Variants in ANO10 observed in about 807,000 individuals in gnomAD.
ANO10 encodes anoctamin-10.
A neutral mutation model predicts 74.7 loss-of-function variants in ANO10; 77 were observed. The observed-to-expected ratio is 1.03, with a 90% CI of 0.86 to 1.25. ANO10 has a LOEUF of 1.25. ANO10 is among the 50% of genes most tolerant of loss of function. The pLI is 0.00. For missense variants in ANO10, 721 were observed against 778.1 expected (o/e 0.93, Z 0.87); for synonymous variants, 279 against 284.9 (o/e 0.98, Z 0.21).
chr3:43,484,125 G>T (rs571814779), intron 11 of ANO10, among the ~76,000 whole-genome samples: 194 of 152,174 alleles, frequency 1.3e-3, no homozygotes, highest in African/African-American at 4.5e-3. Context: ...TAGAGATGGG[G>T]TTTCACCATG....
At chr3:43,512,832 C>T (rs1203725817) in intron 11 of ANO10, among the ~76,000 whole-genome samples, 1 of 152,140 alleles carries the variant, frequency 6.6e-6, no homozygotes, top group Admixed American at 6.5e-5. Flanking sequence ...TTTCAAGACA[C>T]TGGACATCAG....
chr3:43,618,157 A>G (rs972828084), intron 1 of ANO10: 2 of 152,326 alleles, frequency 1.3e-5, no homozygotes, highest in African/African-American at 2.4e-5. Context: ...CATCCTTACT[A>G]TAACAGTTTC....
At chr3:43,471,473 C>T (rs992836147) in intron 11 of ANO10, among the ~76,000 whole-genome samples, 1 of 152,090 alleles carries the variant, frequency 6.6e-6, no homozygotes, top group African/African-American at 2.4e-5. Context: ...GGGTGAACAT[C>T]AAGGGTGTTA....
chr3:43,676,755 G>C (rs78377570), intron 1 of ANO10, among the ~76,000 whole-genome samples: 3,252 of 152,142 alleles, frequency 0.021, 123 homozygotes, highest in African/African-American at 0.074. Context: ...TCTTACAACT[G>C]CATGTGAATC....
At chr3:43,690,981 G>A in intron 1 of ANO10, 1 of 1,570,624 alleles carries the variant, frequency 6.4e-7, no homozygotes, top group East Asian at 2.5e-5. Context: ...CGGCGCTTGC[G>A]CGGCGGCGGC....
chr3:43,429,554 T>A (rs2092950091), intron 12 of ANO10, among the ~76,000 whole-genome samples: 1 of 152,136 alleles, frequency 6.6e-6, no homozygotes. Context: ...AGAAATCTGA[T>A]TAACTAAAAC....
rs140125225 is a variant in ANO10, at chr3:43,446,204, C to T, written c.1798-13477G>A. Among the ~76,000 whole-genome samples the T allele has an allele frequency of 2.8e-3, 426 of 152,306 alleles. 8 individuals are homozygous for T. The East Asian group carries it at 0.044, about 16-fold the overall frequency. On this transcript the variant is annotated intron_variant, in intron 11 of 12. Transcript: ENST00000292246. ...GAGCATGTGGATTCAGGAAGGAATG[C>T]TTCCCATCTTCTACTTCTCAGATTG... is the stretch of plus-strand genomic sequence containing the variant.
intron 11 of ANO10, among the ~76,000 whole-genome samples, chr3:43,477,761 C>T (rs1277253474): frequency 6.6e-6 from 1 of 152,172 alleles, no homozygotes; most frequent in African/African-American, 2.4e-5. Flanking sequence ...GCGAAGGTGA[C>T]GTGGCCTTCC....
intron 1 of ANO10, among the ~76,000 whole-genome samples, chr3:43,607,374 AG>A (rs1244472573): frequency 6.6e-6 from 1 of 151,810 alleles, no homozygotes; most frequent in African/African-American, 2.4e-5. Flanking sequence ...AAAAAAACCA[AG>A]GCAATGGGAA....
At chr3:43,385,744 C>T (rs1038708280) in intron 12 of ANO10, among the ~76,000 whole-genome samples, 2 of 109,502 alleles carry the variant, frequency 1.8e-5, no homozygotes, top group African/African-American at 7.3e-5. Context: ...ACTTTGGGGA[C>T]ATGGGGGAAA....
intron 12 of ANO10, among the ~76,000 whole-genome samples, chr3:43,397,276 T>G (rs1481303244): frequency 6.6e-6 from 1 of 152,176 alleles, no homozygotes; most frequent in Non-Finnish European, 1.5e-5. Flanking sequence ...TTAAAAGTAT[T>G]TGCATGTCTC....
At chr3:43,470,994 T>C (rs1020014216) in intron 11 of ANO10, among the ~76,000 whole-genome samples, 8 of 152,178 alleles carry the variant, frequency 5.3e-5, no homozygotes, top group African/African-American at 1.7e-4. Context: ...AAAAATTAAG[T>C]TTATAAATTT....
At chr3:43,662,166 C>T (rs554011959) in intron 1 of ANO10, among the ~76,000 whole-genome samples, 1 of 152,160 alleles carries the variant, frequency 6.6e-6, no homozygotes. Flanking sequence ...GTAAAACACT[C>T]CTTAGCAAAT....
intron 11 of ANO10, among the ~76,000 whole-genome samples, chr3:43,496,655 G>A (rs139664933): frequency 6.6e-5 from 10 of 152,012 alleles, no homozygotes; most frequent in Non-Finnish European, 1.2e-4. Context: ...ACAAGGTTTC[G>A]TCATGTTGCC....
At chr3:43,525,729 G>GAAGGGAGCTGATGCATTTTCAAA (rs1367743588) in intron 11 of ANO10, among the ~76,000 whole-genome samples, 11 of 152,334 alleles carry the variant, frequency 7.2e-5, no homozygotes, top group African/African-American at 2.4e-4. Flanking sequence ...AAGTGGTGGT[G>GAAGGGAGCTGATGCATTTTCAAA]AAGGGAGCTG....
At chr3:43,578,932 CAG>C (rs1575472515) in intron 5 of ANO10, among the ~76,000 whole-genome samples, 1 of 152,070 alleles carries the variant, frequency 6.6e-6, no homozygotes, top group East Asian at 1.9e-4. Context: ...CTTTTCCTTT[CAG>C]AGAATATAAA....
intron 1 of ANO10, among the ~76,000 whole-genome samples, chr3:43,611,874 G>A (rs2082835161): frequency 6.6e-6 from 1 of 151,994 alleles, no homozygotes. Context: ...TCTACCTAGT[G>A]TGTCAAAGAT....
chr3:43,620,611 C>T (rs535551699), intron 1 of ANO10, among the ~76,000 whole-genome samples: 2 of 152,238 alleles, frequency 1.3e-5, no homozygotes, highest in South Asian at 4.1e-4. Flanking sequence ...AACCCCATCT[C>T]TACTAAAAAC....
chr3:43,667,505 T>C (rs776982985), intron 1 of ANO10, among the ~76,000 whole-genome samples: 2 of 152,096 alleles, frequency 1.3e-5, no homozygotes. Context: ...AGTTCTTTAG[T>C]GGTGATTTCT....
Sources: gnomAD v4.1 joint callset for allele counts (sites outside exome capture counted in the v4.1 genomes callset) on GRCh38, gnomAD v4.1.1 for gene constraint, MANE v1.5 for transcripts, NCBI Gene and HGNC (gene_info 2026-07-23, HGNC 2026-07-21) for gene names.